Variants in MOSMO observed in about 807,000 individuals in gnomAD.
MOSMO encodes the protein modulator of smoothened, also known as modulator of smoothened protein.
In MOSMO, 5 loss-of-function variants were observed where a neutral mutation model predicts 18.4. The ratio of observed to expected loss-of-function variants is 0.27; its 90% CI spans 0.14 to 0.57. The LOEUF (loss-of-function observed/expected upper bound fraction) is 0.57. Ranked by LOEUF, MOSMO falls within the 20% of genes least tolerant of loss-of-function variation. The pLI, the probability that MOSMO is intolerant of heterozygous loss-of-function variation, is 0.92. For missense variants in MOSMO, 138 were observed against 211.8 expected, an observed-to-expected ratio of 0.65 and a Z score of 2.16; for synonymous variants, 82 against 82.3, an observed-to-expected ratio of 1.00 and a Z score of 0.02.
Position 22,008,215 on chromosome 16 carries a change from C to A in MOSMO, c.-87C>A, listed in dbSNP as rs1899428427. ...GGCGCGAGGCAGCGGCGCGGGGACTCCGGGCCCCGGCGGCGGCCCATGGGG... is the reference window on the plus strand; with the variant it reads ...GGCGCGAGGCAGCGGCGCGGGGACTACGGGCCCCGGCGGCGGCCCATGGGG... On this transcript the variant is annotated 5_prime_UTR_variant, in exon 1 of 3. Coordinates refer to ENST00000542527, the MANE Select transcript of MOSMO (RefSeq NM_001164579.2). 1.5e-6 allele frequency: 1 copy of A among 663,024 alleles called. No homozygotes were observed. The highest frequency in any genetic ancestry group is 2.1e-6 in the Non-Finnish European group (1 of 468,022). The allele number at this position is 663,024 out of a possible 1,614,324, so 41.1% of individuals were successfully genotyped here.
chr16:22,081,969 A>G lies in MOSMO; in HGVS notation c.*1089A>G, dbSNP rs577739978. 6 of 152,268 alleles carry G rather than the reference A, an allele frequency of 3.9e-5. No individual in the cohort carries two copies. In the South Asian group the frequency reaches 1.2e-3, roughly 32 times the overall value. 9.4% of individuals were successfully genotyped at this position (152,268 alleles called of 1,614,324 possible). On this transcript the variant is annotated 3_prime_UTR_variant, in exon 3 of 3. Coordinates refer to ENST00000542527, the MANE Select transcript of MOSMO (RefSeq NM_001164579.2). ...TCATGTCAAACCTTATAATTTGGGG[A>G]ATCTGACACTATTTAAATTATTGGC...
At chr16:22,016,130 A>G (rs998624728) in intron 1 of MOSMO, among the ~76,000 whole-genome samples, 7 of 152,208 alleles carry the variant, frequency 4.6e-5, no homozygotes, top group Non-Finnish European at 8.8e-5. Flanking sequence ...GCAGTATAGT[A>G]AAATGGTTCT....
At position 22,083,529 on chromosome 16, in the gene MOSMO, A is replaced by C. The variant is rs1598029885; in HGVS notation, c.*2649A>C. 1 of 341,150 alleles carries C rather than the reference A, an allele frequency of 2.9e-6. No individual in the cohort carries two copies. The highest frequency in any genetic ancestry group is 1.1e-4 in the East Asian group (1 of 8,850). The allele number at this position is 341,150 out of a possible 1,614,324, so 21.1% of individuals were successfully genotyped here. ...AGTGAAAAGATAGACAACTGTCCGC[A>C]GTTGCTTTTAAAAAAGGTCACTATA... On this transcript the variant is annotated 3_prime_UTR_variant, in exon 3 of 3. Transcript: ENST00000542527.
rs564152236 is a variant in MOSMO, at chr16:22,032,658, T to C, written c.106+24251T>C. Among the ~76,000 whole-genome samples the C allele has an allele frequency of 1.2e-4, 19 of 152,272 alleles. No homozygotes were observed. In the South Asian group the frequency reaches 3.9e-3, roughly 32 times the overall value. The stretch of plus-strand genomic sequence containing the variant: ...AATTCCTGGGCTCAAGGTATCCTGC[T>C]ACCTCAGCCTCCCAAGTAGCTGGGA... On this transcript the variant is annotated intron_variant, in intron 1 of 2. Transcript: ENST00000542527.
At chr16:22,019,095 T>C (rs185799013) in intron 1 of MOSMO, among the ~76,000 whole-genome samples, 1 of 152,332 alleles carries the variant, frequency 6.6e-6, no homozygotes, top group Non-Finnish European at 1.5e-5. Flanking sequence ...GTCACTTGCC[T>C]AATGTCACAC....
rs1453305236 is a variant in MOSMO at position 22,082,580 on chromosome 16, C to T, written c.*1700C>T. On this transcript the variant is annotated 3_prime_UTR_variant, in exon 3 of 3. Coordinates refer to ENST00000542527, the MANE Select transcript of MOSMO (RefSeq NM_001164579.2). ...CCATGTGGCCCATGCTTCACACAAG[C>T]AGAAATGAACGCACTGTTTTTAAGG... 2 of 152,086 alleles carry T rather than the reference C, an allele frequency of 1.3e-5. No individual in the cohort carries two copies. Among genetic ancestry groups the T allele is most frequent in the East Asian group, 1.9e-4 (1 of 5,176 alleles). 9.4% of individuals were successfully genotyped at this position (152,086 alleles called of 1,614,324 possible).
At chr16:22,057,544 CACAAAAG>C (rs1375787741) in intron 1 of MOSMO, among the ~76,000 whole-genome samples, 1 of 152,274 alleles carries the variant, frequency 6.6e-6, no homozygotes, top group Admixed American at 6.5e-5. Flanking sequence ...AAATAACAGA[CACAAAAG>C]TTACATAGAA....
chr16:22,035,198 G>T (rs564358382), intron 1 of MOSMO, among the ~76,000 whole-genome samples: 1 of 152,088 alleles, frequency 6.6e-6, no homozygotes, highest in East Asian at 1.9e-4. Context: ...TGTGCCCTGG[G>T]CTGTGATCTT....
intron 1 of MOSMO, among the ~76,000 whole-genome samples, chr16:22,062,853 T>G (rs182333439): frequency 1.1e-4 from 16 of 151,940 alleles, no homozygotes; most frequent in Admixed American, 8.5e-4. Flanking sequence ...AGACCTGGAT[T>G]TCGGTCTTTT....
intron 1 of MOSMO, among the ~76,000 whole-genome samples, chr16:22,029,269 GC>G (rs1445913474): frequency 6.6e-6 from 1 of 152,104 alleles, no homozygotes; most frequent in African/African-American, 2.4e-5. Flanking sequence ...CTTTCTCTGG[GC>G]TGTTAGATAC....
chr16:22,044,949 G>T (rs1900278135), intron 1 of MOSMO, among the ~76,000 whole-genome samples: 1 of 151,826 alleles, frequency 6.6e-6, no homozygotes, highest in Admixed American at 6.6e-5. Context: ...ACCAGGGTGG[G>T]CAGATTGCTT....
At chr16:22,068,078 T>G (rs1400023558) in intron 1 of MOSMO, among the ~76,000 whole-genome samples, 2 of 152,192 alleles carry the variant, frequency 1.3e-5, no homozygotes, top group East Asian at 1.9e-4. Context: ...GTCAATATTT[T>G]GGATCCACAT....
chr16:22,051,965 C>T (rs767343565), intron 1 of MOSMO, among the ~76,000 whole-genome samples: 3 of 151,912 alleles, frequency 2.0e-5, no homozygotes, highest in Non-Finnish European at 4.4e-5. Context: ...TGTGGTGTGA[C>T]AGAAAAAAAC....
At chr16:22,079,428 C>G (rs150786707) in intron 2 of MOSMO, among the ~76,000 whole-genome samples, 25 of 152,320 alleles carry the variant, frequency 1.6e-4, no homozygotes, top group Non-Finnish European at 3.2e-4. Context: ...CTTGGAAAAG[C>G]TAGCCTATCT....
intron 1 of MOSMO, among the ~76,000 whole-genome samples, chr16:22,067,809 G>A (rs1372711359): frequency 1.3e-5 from 2 of 152,048 alleles, no homozygotes; most frequent in African/African-American, 4.8e-5. Flanking sequence ...AAACCTGGTA[G>A]GCAGAGGTTG....
At chr16:22,015,007 A>C (rs1899609112) in intron 1 of MOSMO, among the ~76,000 whole-genome samples, 1 of 152,192 alleles carries the variant, frequency 6.6e-6, no homozygotes, top group Non-Finnish European at 1.5e-5. Context: ...TAAAGTATAC[A>C]AATCAGTGGC....
chr16:22,063,019 A>T (rs1900680316), intron 1 of MOSMO, among the ~76,000 whole-genome samples: 2 of 151,920 alleles, frequency 1.3e-5, no homozygotes, highest in African/African-American at 4.8e-5. Context: ...TTCCCAGCTA[A>T]TTTTTTTTAT....
At chr16:22,063,019 AT>A (rs1398487110) in intron 1 of MOSMO, among the ~76,000 whole-genome samples, 1 of 151,920 alleles carries the variant, frequency 6.6e-6, no homozygotes, top group East Asian at 1.9e-4. Flanking sequence ...TTCCCAGCTA[AT>A]TTTTTTTATT....
intron 1 of MOSMO, among the ~76,000 whole-genome samples, chr16:22,044,659 A>G (rs1231644163): frequency 2.6e-5 from 4 of 152,208 alleles, no homozygotes; most frequent in Admixed American, 2.6e-4. Flanking sequence ...AACCTGTACT[A>G]CTTACTCTCT....
Sources: allele counts gnomAD v4.1 joint callset (sites outside exome capture counted in the v4.1 genomes callset), GRCh38; gene constraint gnomAD v4.1.1; transcripts MANE v1.5; gene names NCBI Gene and HGNC (gene_info 2026-07-23, HGNC 2026-07-21).